The following VPS53 variants were observed in gnomAD, a reference collection of about 807,000 sequenced individuals.
VPS53 encodes vacuolar protein sorting-associated protein 53 homolog.
In VPS53, 70 loss-of-function variants were observed where a neutral mutation model predicts 107.0. That is an observed-to-expected ratio of 0.65 (90% confidence interval 0.54 to 0.80). The LOEUF is 0.80. VPS53 is among the 30% of genes least tolerant of loss of function. The pLI, the probability that VPS53 is intolerant of heterozygous loss-of-function variation, is 0.00. For missense variants in VPS53, 917 were observed against 1,049.4 expected (o/e 0.87, Z 1.74); for synonymous variants, 409 against 393.3 (o/e 1.04, Z -0.47).
chr17:562,373 G>A (rs1460030578), intron 14 of VPS53, 130 bp downstream of exon 14: 1 of 1,293,870 alleles, frequency 7.7e-7, no homozygotes, highest in South Asian at 1.4e-5. Flanking sequence ...AGGCCCTCGG[G>A]AACTCAGGAA....
intron 4 of VPS53, among the ~76,000 whole-genome samples, chr17:664,377 C>A (rs1971593252): frequency 6.6e-6 from 1 of 151,932 alleles, no homozygotes; most frequent in South Asian, 2.1e-4. Flanking sequence ...CGCGCCCAGC[C>A]TGGAGTAAGA....
At chr17:526,550 C>G (rs1441903690) in intron 19 of VPS53, among the ~76,000 whole-genome samples, 2 of 152,214 alleles carry the variant, frequency 1.3e-5, no homozygotes, top group Non-Finnish European at 2.9e-5. Flanking sequence ...AAAGACAAGA[C>G]AGAAAGGTCC....
intron 17 of VPS53, 68 bp from the exon 18 acceptor site, chr17:537,244 G>A (rs541534048): frequency 1.4e-5 from 22 of 1,559,472 alleles, no homozygotes; most frequent in African/African-American, 2.7e-5. Context: ...TACTGGGGAA[G>A]GGAGGGGCTG....
chr17:603,746 T>C (rs949593483), intron 11 of VPS53, among the ~76,000 whole-genome samples: 2 of 152,148 alleles, frequency 1.3e-5, no homozygotes, highest in African/African-American at 4.8e-5. Context: ...AGAAAAAAAA[T>C]CCTTAAAAAT....
intron 15 of VPS53, among the ~76,000 whole-genome samples, chr17:553,937 G>A (rs1402182043): frequency 6.6e-6 from 1 of 152,118 alleles, no homozygotes; most frequent in African/African-American, 2.4e-5. Context: ...AAAAATAGAG[G>A]GGGGGCCTAC....
chr17:555,453 T>A (rs1912246575), intron 15 of VPS53, among the ~76,000 whole-genome samples: 1 of 152,102 alleles, frequency 6.6e-6, no homozygotes, highest in African/African-American at 2.4e-5. Context: ...CGCCTCAGCC[T>A]CCCAAAGTGC....
At chr17:682,341 T>G (rs1362348103) in intron 4 of VPS53, among the ~76,000 whole-genome samples, 1 of 152,096 alleles carries the variant, frequency 6.6e-6, no homozygotes, top group Non-Finnish European at 1.5e-5. Flanking sequence ...GCTCTTACAC[T>G]AACAAGGAGG....
At chr17:702,399 C>T (rs1234532553) in intron 2 of VPS53, among the ~76,000 whole-genome samples, 3 of 152,120 alleles carry the variant, frequency 2.0e-5, no homozygotes, top group Non-Finnish European at 4.4e-5. Flanking sequence ...GGCGCGGTGG[C>T]TCATGCCTGT....
intron 4 of VPS53, chr17:676,034 A>G (rs940304038): frequency 6.6e-6 from 1 of 152,024 alleles, no homozygotes. Context: ...TTAGAGCTTT[A>G]ATCTAGATGA....
intron 7 of VPS53, among the ~76,000 whole-genome samples, chr17:636,233 A>C (rs1033490942): frequency 4.6e-5 from 7 of 152,204 alleles, no homozygotes; most frequent in South Asian, 2.1e-4. Context: ...TTATTGGTGC[A>C]TAAGAATGCT....
chr17:581,583 T>C lies in VPS53; in HGVS notation c.1313+4687A>G, dbSNP rs146360194. On this transcript the variant is annotated intron_variant, in intron 13 of 21. Transcript: ENST00000437048. ...AGAACTTCCCTCAGAACCTAAGGCA[T>C]TCCCAGAGAACTTCCCTCAGAACCT... is the stretch of plus-strand genomic sequence containing the variant. Among the ~76,000 whole-genome samples the C allele has an allele frequency of 3.3e-3, 494 of 149,782 alleles. 4 individuals are homozygous for C. The highest frequency in any genetic ancestry group is 3.6e-3 in the Non-Finnish European group (245 of 67,516).
intron 10 of VPS53, 33 bp downstream of exon 10, chr17:627,141 T>C: frequency 6.3e-7 from 1 of 1,589,706 alleles, no homozygotes; most frequent in Non-Finnish European, 8.6e-7. Flanking sequence ...AAAATTTGAT[T>C]AACCACAGAA....
chr17:593,361 A>G (rs1168302328), intron 12 of VPS53, among the ~76,000 whole-genome samples: 1 of 152,234 alleles, frequency 6.6e-6, no homozygotes, highest in African/African-American at 2.4e-5. Flanking sequence ...CTACCATCAG[A>G]GTGAACAGGC....
chr17:670,365 CA>C (rs1971886275), intron 4 of VPS53, among the ~76,000 whole-genome samples: 1 of 152,198 alleles, frequency 6.6e-6, no homozygotes, highest in South Asian at 2.1e-4. Context: ...GAAGGCTCAG[CA>C]AAACCAATTC....
intron 13 of VPS53, among the ~76,000 whole-genome samples, chr17:581,331 C>A (rs765397104): frequency 5.3e-5 from 8 of 151,806 alleles, no homozygotes; most frequent in Non-Finnish European, 1.2e-4. Context: ...TAATGGGTTC[C>A]CAGAGAACTT....
At chr17:596,965 T>C (rs1235439539) in intron 12 of VPS53, among the ~76,000 whole-genome samples, 1 of 152,194 alleles carries the variant, frequency 6.6e-6, no homozygotes, top group Non-Finnish European at 1.5e-5. Flanking sequence ...TACTACCCAA[T>C]GTAAACAGAT....
intron 7 of VPS53, among the ~76,000 whole-genome samples, chr17:652,518 G>A (rs765199688): frequency 2.0e-5 from 3 of 152,068 alleles, no homozygotes; most frequent in African/African-American, 4.8e-5. Flanking sequence ...CCACCTTACC[G>A]TGAGGAAGTC....
At chr17:569,967 G>A (rs1034201875) in intron 13 of VPS53, among the ~76,000 whole-genome samples, 1 of 151,420 alleles carries the variant, frequency 6.6e-6, no homozygotes, top group African/African-American at 2.4e-5. Context: ...TACATGATAA[G>A]TGAAAGATGA....
Position 520,929 on chromosome 17 carries a change from G to A in VPS53, c.2223+672C>T, listed in dbSNP as rs191067614. Among the ~76,000 whole-genome samples, 69 of 151,932 alleles carry A rather than the reference G, an allele frequency of 4.5e-4. No homozygotes were observed. The highest frequency in any genetic ancestry group is 2.3e-3 in the South Asian group (11 of 4,814). ...GCTTCATCCTCACCCACATCCCACC[G>A]GTGTCTGAGGCCCTGCTGCCACTTC... On this transcript the variant is annotated intron_variant, in intron 20 of 21. Transcript: ENST00000437048. This position sits in a 1 kb window ranked among gnomAD's most constrained non-coding sequence, Gnocchi z 4.4.
Sources: gnomAD v4.1 joint callset for allele counts (sites outside exome capture counted in the v4.1 genomes callset) on GRCh38, gnomAD v4.1.1 for gene constraint, Gnocchi (gnomAD v3.1) non-coding constraint, MANE v1.5 for transcripts, NCBI Gene and HGNC (gene_info 2026-07-23, HGNC 2026-07-21) for gene names.